The following EPHA6 variants were observed in gnomAD, a reference collection of about 807,000 sequenced individuals.
EPHA6 encodes ephrin type-A receptor 6.
A neutral mutation model predicts 112.0 loss-of-function variants in EPHA6; 50 were observed. The observed-to-expected ratio is 0.45, with a 90% CI of 0.36 to 0.56. The LOEUF (loss-of-function observed/expected upper bound fraction) is 0.56, where lower values mean the gene tolerates loss of function less well. Ranked by LOEUF, EPHA6 falls within the 20% of genes least tolerant of loss-of-function variation. The pLI, the probability that EPHA6 is intolerant of heterozygous loss-of-function variation, is 0.00. For missense variants in EPHA6, 1,280 were observed against 1,417.4 expected, an observed-to-expected ratio of 0.90 and a Z score of 1.56; for synonymous variants, 529 against 490.7, an observed-to-expected ratio of 1.08 and a Z score of -1.03.
At chr3:97,569,081 A>C (rs2093303813) in intron 11 of EPHA6, among the ~76,000 whole-genome samples, 1 of 152,198 alleles carries the variant, frequency 6.6e-6, no homozygotes, top group South Asian at 2.1e-4. Context: ...AAGAATAGAT[A>C]TGAAGGCCCC....
chr3:97,556,874 C>A (rs145300457), intron 11 of EPHA6, among the ~76,000 whole-genome samples: 2 of 152,058 alleles, frequency 1.3e-5, no homozygotes, highest in East Asian at 1.9e-4. Context: ...ACGATTATTT[C>A]TCTTAAAGTA....
At chr3:96,989,674 G>A (rs966869647) in intron 3 of EPHA6, among the ~76,000 whole-genome samples, 4 of 152,184 alleles carry the variant, frequency 2.6e-5, no homozygotes, top group African/African-American at 4.8e-5. Flanking sequence ...TACAATCATG[G>A]CAGAAGGCGA....
intron 5 of EPHA6, among the ~76,000 whole-genome samples, chr3:97,287,254 C>A (rs910604081): frequency 6.6e-6 from 1 of 152,008 alleles, no homozygotes; most frequent in African/African-American, 2.4e-5. Context: ...TGCCTGATTG[C>A]TCTGGCTAGG....
intron 14 of EPHA6, among the ~76,000 whole-genome samples, chr3:97,694,933 C>A (rs2032934005): frequency 6.6e-6 from 1 of 152,146 alleles, no homozygotes; most frequent in Non-Finnish European, 1.5e-5. Context: ...CTTTTTTTAA[C>A]TGTTTATCCC....
At chr3:97,715,143 C>T (rs2034156884) in intron 14 of EPHA6, among the ~76,000 whole-genome samples, 1 of 152,184 alleles carries the variant, frequency 6.6e-6, no homozygotes, top group African/African-American at 2.4e-5. Context: ...TTCTGTCTGC[C>T]ATCAGGCTGT....
Position 97,508,835 on chromosome 3 carries a change from A to C in EPHA6, c.2201-23523A>C, listed in dbSNP as rs9818785. Among the ~76,000 whole-genome samples the C allele has an allele frequency of 4.0e-5, 6 of 151,570 alleles. No individual in the cohort carries two copies. In the South Asian group the frequency reaches 8.3e-4, roughly 21 times the overall value. On this transcript the variant is annotated intron_variant, in intron 10 of 17. Transcript: ENST00000389672. Reference sequence around the variant, plus strand: ...TAAGAACTTGTTTTATGAACCTGGGAGCTTCTGTATTAGGTGCATATATAT... The same window carrying C: ...TAAGAACTTGTTTTATGAACCTGGGCGCTTCTGTATTAGGTGCATATATAT...
intron 3 of EPHA6, among the ~76,000 whole-genome samples, chr3:97,020,047 G>A (rs2044399074): frequency 1.3e-5 from 2 of 152,130 alleles, no homozygotes; most frequent in African/African-American, 4.8e-5. Context: ...AATGGAATAT[G>A]AGTCTAAGTT....
intron 2 of EPHA6, among the ~76,000 whole-genome samples, chr3:96,937,964 T>C (rs1039901087): frequency 2.0e-5 from 3 of 152,226 alleles, no homozygotes; most frequent in Non-Finnish European, 4.4e-5. Flanking sequence ...TCCATTGGTC[T>C]ATATCTCTGT....
intron 3 of EPHA6, among the ~76,000 whole-genome samples, chr3:97,022,782 G>T (rs1463683230): frequency 2.6e-5 from 4 of 152,134 alleles, no homozygotes; most frequent in African/African-American, 7.2e-5. Flanking sequence ...ACTGAAAGAG[G>T]CTGGTCAAGA....
At chr3:97,084,054 A>G (rs1344775818) in intron 3 of EPHA6, among the ~76,000 whole-genome samples, 1 of 137,948 alleles carries the variant, frequency 7.2e-6, no homozygotes, top group Non-Finnish European at 1.6e-5. Context: ...GGGGTGGTAC[A>G]TTTATTTCTT....
Position 97,318,582 on chromosome 3 carries a change from G to C in EPHA6, c.1606+74295G>C, listed in dbSNP as rs879632683. On this transcript the variant is annotated intron_variant, in intron 5 of 17. Transcript: ENST00000389672. ...TTGCTAATTTAATATATATTTTTCAGTTACTACCTTATTTGACCATGCTGC... is the reference window on the plus strand; with the variant it reads ...TTGCTAATTTAATATATATTTTTCACTTACTACCTTATTTGACCATGCTGC... Among the ~76,000 whole-genome samples, 44 of 151,960 alleles carry C rather than the reference G, an allele frequency of 2.9e-4. 1 individual carries two copies. Among genetic ancestry groups the C allele is most frequent in the Admixed American group, 2.1e-3 (32 of 15,240 alleles).
intron 3 of EPHA6, among the ~76,000 whole-genome samples, chr3:97,159,194 A>C (rs1436264783): frequency 6.6e-6 from 1 of 152,134 alleles, no homozygotes; most frequent in Non-Finnish European, 1.5e-5. Context: ...CCTGTATTCT[A>C]GATATACATT....
At chr3:97,372,980 T>C (rs1373848280) in intron 5 of EPHA6, among the ~76,000 whole-genome samples, 1 of 152,114 alleles carries the variant, frequency 6.6e-6, no homozygotes, top group East Asian at 1.9e-4. Context: ...GTCCCACTTG[T>C]TAAAAGTAGG....
At chr3:97,394,349 A>G (rs1302462001) in intron 5 of EPHA6, among the ~76,000 whole-genome samples, 2 of 151,910 alleles carry the variant, frequency 1.3e-5, no homozygotes, top group African/African-American at 4.8e-5. Flanking sequence ...ACACTTCAAG[A>G]CATTGGTCTA....
intron 2 of EPHA6, among the ~76,000 whole-genome samples, chr3:96,944,619 G>A (rs2041155491): frequency 6.6e-6 from 1 of 152,150 alleles, no homozygotes; most frequent in Non-Finnish European, 1.5e-5. Context: ...AGCACTTTGG[G>A]TGGCCAAGGC....
At chr3:97,418,152 T>A (rs952406192) in intron 6 of EPHA6, among the ~76,000 whole-genome samples, 4 of 151,276 alleles carry the variant, frequency 2.6e-5, no homozygotes, top group Non-Finnish European at 5.9e-5. Context: ...TATATAATTA[T>A]AAGAAAAAAC....
At chr3:97,686,153 G>T (rs866314081) in intron 14 of EPHA6, among the ~76,000 whole-genome samples, 6 of 152,070 alleles carry the variant, frequency 3.9e-5, no homozygotes, top group Admixed American at 3.9e-4. Flanking sequence ...CTATTCATTT[G>T]TGATGCATTA....
chr3:97,516,720 C>A (rs1254987569), intron 10 of EPHA6, among the ~76,000 whole-genome samples: 1 of 151,868 alleles, frequency 6.6e-6, no homozygotes. Context: ...AATATTTTTT[C>A]TGTTGCCTTT....
At chr3:97,403,744 C>A (rs1258854048) in intron 5 of EPHA6, among the ~76,000 whole-genome samples, 1 of 152,142 alleles carries the variant, frequency 6.6e-6, no homozygotes, top group Non-Finnish European at 1.5e-5. Context: ...CCGCGCCCGG[C>A]CTTTTAAAGT....
Sources: gnomAD v4.1 joint callset for allele counts (sites outside exome capture counted in the v4.1 genomes callset) on GRCh38, gnomAD v4.1.1 for gene constraint, MANE v1.5 for transcripts, NCBI Gene and HGNC (gene_info 2026-07-23, HGNC 2026-07-21) for gene names.